Variants in PTGIS observed in about 807,000 individuals in gnomAD.
PTGIS encodes the protein prostacyclin synthase.
Under a neutral mutation model 50.3 loss-of-function variants are expected in PTGIS, and 45 were observed. The ratio of observed to expected loss-of-function variants is 0.90; its 90% CI spans 0.70 to 1.15. PTGIS has a LOEUF of 1.15. Ranked by LOEUF, PTGIS falls within the 50% of genes most tolerant of loss-of-function variation. The pLI is 0.00. For missense variants in PTGIS, 668 were observed against 661.3 expected, an observed-to-expected ratio of 1.01 and a Z score of -0.11; for synonymous variants, 260 against 267.7, an observed-to-expected ratio of 0.97 and a Z score of 0.28.
chr20:49,530,514 G>A (rs1243345906), intron 5 of PTGIS, among the ~76,000 whole-genome samples: 1 of 152,168 alleles, frequency 6.6e-6, no homozygotes, highest in Non-Finnish European at 1.5e-5. Context: ...TGTTCTCCAT[G>A]ATGGCTATAC....
intron 1 of PTGIS, among the ~76,000 whole-genome samples, chr20:49,561,805 T>C (rs1387938192): frequency 2.6e-5 from 4 of 152,172 alleles, no homozygotes; most frequent in Admixed American, 6.5e-5. Flanking sequence ...ACCTGGCACC[T>C]AGTAGCTGGG....
chr20:49,542,433 C>T (rs959813204), intron 4 of PTGIS, among the ~76,000 whole-genome samples: 1 of 152,198 alleles, frequency 6.6e-6, no homozygotes, highest in African/African-American at 2.4e-5. Flanking sequence ...ACACAGTTAC[C>T]GGGTTACAGG....
intron 8 of PTGIS, 69 bp downstream of exon 8, chr20:49,513,011 C>G (rs1704495116): frequency 1.3e-6 from 2 of 1,584,618 alleles, no homozygotes; most frequent in African/African-American, 2.7e-5. Flanking sequence ...CCACTCAGAT[C>G]TGGCTCATCC....
intron 5 of PTGIS, among the ~76,000 whole-genome samples, chr20:49,525,340 A>T (rs1225825188): frequency 6.6e-6 from 1 of 152,230 alleles, no homozygotes; most frequent in Non-Finnish European, 1.5e-5. Flanking sequence ...CCAAGTAAAA[A>T]GTTTTTAATC....
In PTGIS at chr20:49,539,539, C is replaced by T. The variant is rs573070509; in HGVS notation, c.673+31G>A. Reference sequence around the variant, plus strand: ...CCCCTCTGGGTCTTTCCATCCTCCCCCCCACCCACTGGGGCCCCCATGGTG... The same window carrying T: ...CCCCTCTGGGTCTTTCCATCCTCCCTCCCACCCACTGGGGCCCCCATGGTG... On this transcript the variant is annotated intron_variant, in intron 5 of 9. Transcript: ENST00000244043. 451 of 1,608,770 alleles carry T rather than the reference C, an allele frequency of 2.8e-4. 5 individuals carry two copies. In the South Asian group the frequency reaches 4.4e-3, roughly 16 times the overall value.
At position 49,548,735 on chromosome 20, in the gene PTGIS, G is replaced by GAGGA. The variant is rs373808633; in HGVS notation, c.199-720_199-717dup. 4.3e-3 allele frequency among the ~76,000 whole-genome samples: 655 copies of GAGGA among 151,484 alleles called. 5 individuals are homozygous for GAGGA. Among genetic ancestry groups the GAGGA allele is most frequent in the African/African-American group, 0.012 (496 of 41,276 alleles). The stretch of plus-strand genomic sequence containing the variant: ...AATGGAAGGAAGGAAGGAAGGGAGG[G>GAGGA]AGGAAGGAAGGAAGGAAGGAAGGAA... On this transcript the variant is annotated intron_variant, in intron 2 of 9. Coordinates refer to ENST00000244043, the MANE Select transcript of PTGIS (RefSeq NM_000961.4).
At chr20:49,512,739 T>C (rs1414089076) in intron 8 of PTGIS, among the ~76,000 whole-genome samples, 3 of 152,100 alleles carry the variant, frequency 2.0e-5, no homozygotes, top group African/African-American at 7.2e-5. Flanking sequence ...CTAGGGTTCC[T>C]CAGAGACCCT....
chr20:49,544,237 A>G (rs974988504), intron 4 of PTGIS, 68 bp downstream of exon 4: 20 of 1,596,884 alleles, frequency 1.3e-5, no homozygotes, highest in Non-Finnish European at 1.7e-5. Flanking sequence ...TCCCTTGGCC[A>G]CTGCTCATGG....
At chr20:49,532,425 GCC>G (rs1981957176) in intron 5 of PTGIS, among the ~76,000 whole-genome samples, 3 of 152,030 alleles carry the variant, frequency 2.0e-5, no homozygotes, top group Non-Finnish European at 4.4e-5. Context: ...CAGTTAAGAG[GCC>G]CAGTGCTGTA....
rs535357106 is a variant in PTGIS, at chr20:49,540,240, G to A, written c.522-519C>T. Among the ~76,000 whole-genome samples, 1 of 152,166 alleles carries A rather than the reference G, an allele frequency of 6.6e-6. No individual in the cohort carries two copies. Among genetic ancestry groups the A allele is most frequent in the African/African-American group, 2.4e-5 (1 of 41,444 alleles). ...AGCTCGAGGGGACGGTGCTGAGATG[G>A]GGGCACAGAGAAGGGGAGGAGATGC... On this transcript the variant is annotated intron_variant, in intron 4 of 9. Transcript: ENST00000244043. The surrounding 1 kb of genome is among the most constrained non-coding windows in gnomAD (Gnocchi z 4.8).
chr20:49,543,698 C>G lies in PTGIS; in HGVS notation c.521+607G>C, dbSNP rs376261825. Among the ~76,000 whole-genome samples the G allele has an allele frequency of 2.6e-5, 4 of 152,184 alleles. No individual in the cohort carries two copies. In the South Asian group the frequency reaches 8.3e-4, roughly 32 times the overall value. On this transcript the variant is annotated intron_variant, in intron 4 of 9. Coordinates refer to ENST00000244043, the MANE Select transcript of PTGIS (RefSeq NM_000961.4). ...AGAAGCCAGACCCCCAGAGCATGACCCTGCCTCGTCAGTCGGCCTAAGAAA... is the reference window on the plus strand; with the variant it reads ...AGAAGCCAGACCCCCAGAGCATGACGCTGCCTCGTCAGTCGGCCTAAGAAA...
intron 6 of PTGIS, among the ~76,000 whole-genome samples, chr20:49,519,208 C>T (rs1295250528): frequency 2.0e-5 from 3 of 151,540 alleles, no homozygotes; most frequent in African/African-American, 7.3e-5. Context: ...TCTCGGCCCA[C>T]AGAGTCCTCC....
In PTGIS at chr20:49,562,597, A is replaced by G. The variant is rs554527683; in HGVS notation, c.74+5446T>C. On this transcript the variant is annotated intron_variant, in intron 1 of 9. Coordinates refer to ENST00000244043, the MANE Select transcript of PTGIS (RefSeq NM_000961.4). ...CTCTCACTTTTTTTTAGGTACTGCC[A>G]GGCCCTGGCGGGCAGGGCGGTGGGC... 2.0e-4 allele frequency among the ~76,000 whole-genome samples: 30 copies of G among 152,328 alleles called. 1 individual carries two copies. The South Asian group carries it at 6.2e-3, about 32-fold the overall frequency.
intron 5 of PTGIS, among the ~76,000 whole-genome samples, chr20:49,535,006 A>G (rs1982034426): frequency 6.6e-6 from 1 of 152,158 alleles, no homozygotes; most frequent in South Asian, 2.1e-4. Context: ...ACTCTGTTTC[A>G]AAACAACAAA....
intron 3 of PTGIS, among the ~76,000 whole-genome samples, chr20:49,547,629 A>ACAAG (rs1696392752): frequency 6.6e-6 from 1 of 151,984 alleles, no homozygotes; most frequent in Admixed American, 6.5e-5. Context: ...AAACAAACAA[A>ACAAG]CAAACAAAAA....
chr20:49,555,517 T>C (rs1166130484), intron 1 of PTGIS, among the ~76,000 whole-genome samples: 2 of 152,190 alleles, frequency 1.3e-5, no homozygotes, highest in African/African-American at 4.8e-5. Context: ...TTTGGTAAAA[T>C]AAAATCATAC....
intron 5 of PTGIS, among the ~76,000 whole-genome samples, chr20:49,535,602 C>T (rs1488764336): frequency 6.6e-6 from 1 of 152,216 alleles, no homozygotes; most frequent in Non-Finnish European, 1.5e-5. Context: ...TAACCTCTGT[C>T]TCACCAGGCT....
intron 6 of PTGIS, 82 bp from the exon 7 acceptor site, chr20:49,514,477 C>G (rs1981422110): frequency 3.3e-5 from 49 of 1,507,134 alleles, no homozygotes; most frequent in Non-Finnish European, 4.2e-5. Context: ...CGGGCCAAGA[C>G]AGAGGGGCCA....
intron 6 of PTGIS, among the ~76,000 whole-genome samples, chr20:49,523,342 AAGAG>A (rs551622097): frequency 1.3e-5 from 2 of 151,890 alleles, no homozygotes; most frequent in Non-Finnish European, 2.9e-5. Flanking sequence ...AAGAGAGCAT[AAGAG>A]AGAGAGAGAC....
Sources: allele counts gnomAD v4.1 joint callset (sites outside exome capture counted in the v4.1 genomes callset), GRCh38; gene constraint gnomAD v4.1.1; non-coding constraint Gnocchi (gnomAD v3.1); transcripts MANE v1.5; gene names NCBI Gene and HGNC (gene_info 2026-07-23, HGNC 2026-07-21).